MCMDC2: variants seen among roughly 807,000 people sequenced by gnomAD.
MCMDC2 encodes the protein minichromosome maintenance domain-containing protein 2.
Under a neutral mutation model 75.8 loss-of-function variants are expected in MCMDC2, and 54 were observed. The ratio of observed to expected loss-of-function variants is 0.71; its 90% CI spans 0.57 to 0.89. The LOEUF (loss-of-function observed/expected upper bound fraction) is 0.89. Among genes scored for constraint, MCMDC2 ranks in the 40% least tolerant of loss-of-function variants. MCMDC2 has a pLI of 0.00. For missense variants in MCMDC2, 656 were observed against 780.4 expected, an observed-to-expected ratio of 0.84 and a Z score of 1.90; for synonymous variants, 249 against 274.6, an observed-to-expected ratio of 0.91 and a Z score of 0.92.
At chr8:66,875,801 C>G (rs1811255526) in intron 4 of MCMDC2, among the ~76,000 whole-genome samples, 1 of 152,140 alleles carries the variant, frequency 6.6e-6, no homozygotes, top group South Asian at 2.1e-4. Flanking sequence ...ATTTCCTCTC[C>G]CTCCCTTTTT....
intron 4 of MCMDC2, among the ~76,000 whole-genome samples, chr8:66,876,169 G>A (rs146826955): frequency 3.5e-4 from 54 of 152,150 alleles, no homozygotes; most frequent in East Asian, 2.1e-3. Flanking sequence ...CCTAGAATTC[G>A]TTATTTCATT....
At chr8:66,925,354 G>C (rs962200120), downstream of MCMDC2, 1 of 152,784 alleles carries the variant, frequency 6.5e-6, no homozygotes, top group Middle Eastern at 3.4e-3. Context: ...CCCGGGGAAG[G>C]GACAGGGGCC....
downstream of MCMDC2, among the ~76,000 whole-genome samples, chr8:66,924,921 TAC>T (rs996632837): frequency 1.3e-5 from 2 of 152,134 alleles, no homozygotes; most frequent in South Asian, 4.1e-4. Flanking sequence ...CTGCGCTCAT[TAC>T]AGTTTCAAAG....
downstream of MCMDC2, among the ~76,000 whole-genome samples, chr8:66,924,400 G>A (rs922102584): frequency 4.6e-5 from 7 of 152,068 alleles, no homozygotes; most frequent in Non-Finnish European, 1.0e-4. Context: ...GCCTAGGCGG[G>A]TGGATCACGA....
Position 66,920,671 on chromosome 8 carries a change from T to C in MCMDC2, c.*1502T>C, listed in dbSNP as rs955643887. 1 of 152,142 alleles carries C rather than the reference T, an allele frequency of 6.6e-6. No homozygotes were observed. The highest frequency in any genetic ancestry group is 6.6e-5 in the Admixed American group (1 of 15,264). 9.4% of individuals were successfully genotyped at this position (152,142 alleles called of 1,614,324 possible). On this transcript the variant is annotated 3_prime_UTR_variant, in exon 15 of 15. Coordinates refer to ENST00000422365, the MANE Select transcript of MCMDC2 (RefSeq NM_173518.5). ...CCTATTTTATAAAACTAGGATCCTTTTACAATTGGAAAGTTTAAAAACTTT... is the reference window on the plus strand; with the variant it reads ...CCTATTTTATAAAACTAGGATCCTTCTACAATTGGAAAGTTTAAAAACTTT...
At position 66,905,226 on chromosome 8, in the gene MCMDC2, C is replaced by A; in HGVS notation, c.1770C>A (p.Leu590=). The change falls in exon 14 of 15, where the codon CTC becomes CTA. Residue 590 remains leucine, a splice_region_variant and synonymous_variant. Coordinates refer to ENST00000422365, the MANE Select transcript of MCMDC2 (RefSeq NM_173518.5). ...SKLSASALKY[L]VFLSEAHARL... is the part of the protein sequence containing the mutation. ...CTTTGGCAACTATTTTCTTTTTTAG[C>A]GTTTTCCTATCTGAAGCCCATGCAC... The A allele has an allele frequency of 2.1e-6, 3 of 1,417,818 alleles. No individual in the cohort carries two copies. Among genetic ancestry groups the A allele is most frequent in the Non-Finnish European group, 2.8e-6 (3 of 1,083,186 alleles). The allele number at this position is 1,417,818 out of a possible 1,614,324, so 87.8% of individuals were successfully genotyped here.
intron 10 of MCMDC2, among the ~76,000 whole-genome samples, chr8:66,894,101 T>C (rs1812234687): frequency 6.6e-6 from 1 of 152,238 alleles, no homozygotes; most frequent in Non-Finnish European, 1.5e-5. Context: ...CTATGCAGCA[T>C]TCATAACACA....
downstream of MCMDC2, chr8:66,922,507 C>T (rs779834772): frequency 1.9e-6 from 1 of 518,862 alleles, no homozygotes; most frequent in Admixed American, 1.9e-5. Context: ...CAAAGACAAC[C>T]TCAGCTGGGT....
At chr8:66,922,100 T>G (rs1431222984), downstream of MCMDC2, 2 of 152,718 alleles carry the variant, frequency 1.3e-5, no homozygotes, top group African/African-American at 4.8e-5. Flanking sequence ...CCTTCCAAAA[T>G]GCTGCATGCC....
At chr8:66,896,132 G>C in intron 10 of MCMDC2, 38 bp from the exon 11 acceptor site, 1 of 1,577,122 alleles carries the variant, frequency 6.3e-7, no homozygotes, top group Non-Finnish European at 8.6e-7. Context: ...AGACCAAAAT[G>C]AACTTAAATA....
At chr8:66,879,860 A>T (rs1048033109) in intron 7 of MCMDC2, among the ~76,000 whole-genome samples, 1 of 152,164 alleles carries the variant, frequency 6.6e-6, no homozygotes, top group Non-Finnish European at 1.5e-5. Flanking sequence ...TCTTACATAA[A>T]TATTGGAGTT....
chr8:66,904,559 A>G (rs1585900108), intron 13 of MCMDC2, among the ~76,000 whole-genome samples: 1 of 151,760 alleles, frequency 6.6e-6, no homozygotes, highest in Non-Finnish European at 1.5e-5. Context: ...GATTTATACA[A>G]AGTAATACAG....
In MCMDC2 at chr8:66,919,133, T is replaced by G; in HGVS notation, c.2010T>G (p.Tyr670Ter). Residue 670 changes from tyrosine to a stop codon, truncating the protein, a stop_gained, in exon 15 of 15, where the codon TAT (tyrosine) becomes TAG (stop). Transcript: ENST00000422365. LOFTEE classifies it high-confidence loss of function. ...QQQLEQFIAT[Y>*]GPGTTIFSSD... Reference sequence around the variant, plus strand: ...AGCTGGAACAATTTATTGCCACATATGGACCTGGGACAACTATTTTCTCTA... The same window carrying G: ...AGCTGGAACAATTTATTGCCACATAGGGACCTGGGACAACTATTTTCTCTA... 6.5e-7 allele frequency: 1 copy of G among 1,550,046 alleles called. No individual in the cohort carries two copies. The highest frequency in any genetic ancestry group is 8.7e-7 in the Non-Finnish European group (1 of 1,146,402).
At chr8:66,876,942 A>T (rs1811316673) in intron 4 of MCMDC2, among the ~76,000 whole-genome samples, 1 of 151,828 alleles carries the variant, frequency 6.6e-6, no homozygotes, top group African/African-American at 2.4e-5. Flanking sequence ...TTGTATTTTT[A>T]GTAGAGAAGG....
At chr8:66,887,710 C>T (rs1284433917) in intron 9 of MCMDC2, among the ~76,000 whole-genome samples, 2 of 152,158 alleles carry the variant, frequency 1.3e-5, no homozygotes, top group African/African-American at 4.8e-5. Context: ...TCAAGCAATC[C>T]TCCTGCCTTA....
rs1217745221 is a variant in MCMDC2 at position 66,896,274 on chromosome 8, G to C, written c.1384G>C (p.Val462Leu). The C allele has an allele frequency of 6.2e-7, 1 of 1,611,436 alleles. No homozygotes were observed. The highest frequency in any genetic ancestry group is 8.5e-7 in the Non-Finnish European group (1 of 1,179,612). ...AGTTCAGTGCAGTTTTTGGTCTTTT[G>C]TTGATGTGGATTCATCTTCAAGGAG... is the stretch of plus-strand genomic sequence containing the variant. ...FPVQCSFWSF[V>L]DVDSSSRRNA... Residue 462 changes from valine (V) to leucine (L), a missense_variant, in exon 11 of 15, where the codon GTT becomes CTT. Physicochemically the swap from Val to Leu is conservative, Grantham distance 32 (BLOSUM62 1). Coordinates refer to ENST00000422365, the MANE Select transcript of MCMDC2 (RefSeq NM_173518.5).
downstream of MCMDC2, among the ~76,000 whole-genome samples, chr8:66,924,375 C>T (rs966247456): frequency 9.2e-5 from 14 of 152,074 alleles, no homozygotes; most frequent in Middle Eastern, 6.8e-3. Flanking sequence ...GCCTATAATC[C>T]CAGCACTTTG....
downstream of MCMDC2, chr8:66,922,108 GC>G (rs1464483560): frequency 6.5e-6 from 1 of 152,956 alleles, no homozygotes. Context: ...AATGCTGCAT[GC>G]CACACCTCCA....
intron 11 of MCMDC2, 140 bp downstream of exon 11, chr8:66,896,476 A>G: frequency 1.3e-6 from 1 of 798,268 alleles, no homozygotes; most frequent in East Asian, 3.0e-5. Flanking sequence ...CCAGTTGTTT[A>G]AAAATTGTAA....
Sources: gnomAD v4.1 joint callset for allele counts (sites outside exome capture counted in the v4.1 genomes callset) on GRCh38, gnomAD v4.1.1 for gene constraint, MANE v1.5 for transcripts, NCBI Gene and HGNC (gene_info 2026-07-23, HGNC 2026-07-21) for gene names.